SEH1L: variants seen among roughly 807,000 people sequenced by gnomAD.
SEH1L encodes nucleoporin SEH1.
Under a neutral mutation model 49.5 loss-of-function variants are expected in SEH1L, and 18 were observed. The ratio of observed to expected loss-of-function variants is 0.36; its 90% confidence interval spans 0.25 to 0.54. The LOEUF is 0.54. Ranked by LOEUF, SEH1L falls within the 20% of genes least tolerant of loss-of-function variation. The probability of loss-of-function intolerance (pLI) is 0.87; values close to 1 mark genes in which losing one functional copy is unlikely to be tolerated. For synonymous variants in SEH1L, 169 were observed against 178.1 expected (o/e 0.95, Z 0.41); for missense variants, 404 against 528.8 (o/e 0.76, Z 2.31).
At chr18:12,983,708 T>A (rs2032360687) in intron 7 of SEH1L, among the ~76,000 whole-genome samples, 1 of 152,258 alleles carries the variant, frequency 6.6e-6, no homozygotes, top group African/African-American at 2.4e-5. Flanking sequence ...TGAAATTCAT[T>A]ATAATGAAGA....
At chr18:12,948,514 G>A in intron 1 of SEH1L, 1 of 270,664 alleles carries the variant, frequency 3.7e-6, no homozygotes, top group African/African-American at 2.2e-5. Context: ...CGCTGCCGGG[G>A]CTGCGGGCGG....
intron 2 of SEH1L, 79 bp downstream of exon 2, chr18:12,951,984 A>G (rs991551385): frequency 1.2e-6 from 1 of 814,666 alleles, no homozygotes; most frequent in Non-Finnish European, 1.9e-6. Context: ...AATTGTTTTG[A>G]GAAAATAACA....
At chr18:12,967,775 G>A (rs1192237266) in intron 4 of SEH1L, among the ~76,000 whole-genome samples, 2 of 152,118 alleles carry the variant, frequency 1.3e-5, no homozygotes, top group African/African-American at 4.8e-5. Context: ...TTAGATGGGC[G>A]TGGTGGTGTG....
chr18:12,979,960 G>A (rs1598976432), intron 6 of SEH1L, among the ~76,000 whole-genome samples: 15 of 115,854 alleles, frequency 1.3e-4, no homozygotes, highest in Middle Eastern at 6.9e-3. Flanking sequence ...GGGCAGAGGT[G>A]CCCCTCACCT....
At chr18:12,969,224 C>T (rs867390603) in intron 4 of SEH1L, among the ~76,000 whole-genome samples, 1 of 98,550 alleles carries the variant, frequency 1.0e-5, no homozygotes, top group Non-Finnish European at 2.2e-5. Flanking sequence ...CCCCCCCCCC[C>T]CCCCACCTCA....
chr18:12,975,767 A>G, intron 5 of SEH1L: 1 of 987,372 alleles, frequency 1.0e-6, no homozygotes, highest in Non-Finnish European at 1.2e-6. Flanking sequence ...GACTGGGAGC[A>G]GGAACTCAGG....
intron 6 of SEH1L, among the ~76,000 whole-genome samples, chr18:12,980,043 C>G (rs1290284107): frequency 7.4e-6 from 1 of 136,042 alleles, no homozygotes; most frequent in South Asian, 2.4e-4. Context: ...CTGACCCCCC[C>G]ACCTCCCTCC....
At position 12,982,597 on chromosome 18, in the gene SEH1L, G is replaced by T. The variant is rs1284863279; in HGVS notation, c.841G>T (p.Val281Phe). Residue 281 changes from valine (V) to phenylalanine (F), a missense_variant, in exon 7 of 9, where the codon GTC (valine) becomes TTC (phenylalanine). Physicochemically the swap from Val to Phe is conservative, Grantham distance 50. Coordinates refer to ENST00000399892, the MANE Select transcript of SEH1L (RefSeq NM_001013437.2). ...TCAGTTCGATAATCATAATTCTCAGGTCTGGCGAGTGAGTTGGAATATAAC... is the reference window on the plus strand; with the variant it reads ...TCAGTTCGATAATCATAATTCTCAGTTCTGGCGAGTGAGTTGGAATATAAC... Reference protein sequence around the residue: ...VAQFDNHNSQVWRVSWNITGT... With the variant: ...VAQFDNHNSQFWRVSWNITGT... 6.2e-7 allele frequency: 1 copy of T among 1,613,802 alleles called. No homozygotes were observed. The highest frequency in any genetic ancestry group is 8.5e-7 in the Non-Finnish European group (1 of 1,179,836).
At chr18:12,948,401 T>C (rs1448442157) in intron 1 of SEH1L, 169 bp downstream of exon 1, 17 of 523,586 alleles carry the variant, frequency 3.2e-5, no homozygotes, top group Non-Finnish European at 5.3e-5. Flanking sequence ...CCGCGTATTG[T>C]GGGGTCACGG....
At position 12,970,247 on chromosome 18, in the gene SEH1L, A is replaced by G. The variant is rs140945309; in HGVS notation, c.522-906A>G. On this transcript the variant is annotated intron_variant, in intron 4 of 8. Coordinates refer to ENST00000399892, the MANE Select transcript of SEH1L (RefSeq NM_001013437.2). Reference sequence around the variant, plus strand: ...GAAATTATGTTAATTAGGCATAGAAATTAAAAAGTCATTCAGCTTATAGTT... The same window carrying G: ...GAAATTATGTTAATTAGGCATAGAAGTTAAAAAGTCATTCAGCTTATAGTT... Among the ~76,000 whole-genome samples the G allele has an allele frequency of 2.4e-4, 37 of 152,334 alleles. No individual in the cohort carries two copies. In the East Asian group the frequency reaches 6.9e-3, roughly 29 times the overall value.
At chr18:12,963,782 G>C (rs900431614) in intron 4 of SEH1L, among the ~76,000 whole-genome samples, 29 of 152,182 alleles carry the variant, frequency 1.9e-4, no homozygotes, top group African/African-American at 7.0e-4. Flanking sequence ...GCACCATCTT[G>C]GCTCACAGTA....
intron 4 of SEH1L, among the ~76,000 whole-genome samples, chr18:12,969,024 A>G (rs1274959948): frequency 6.6e-6 from 1 of 152,116 alleles, no homozygotes; most frequent in Non-Finnish European, 1.5e-5. Flanking sequence ...CAGTCTGACC[A>G]ACATGGAGAA....
chr18:12,985,117 C>T (rs1213901061), intron 8 of SEH1L: 1 of 1,022,152 alleles, frequency 9.8e-7, no homozygotes, highest in Non-Finnish European at 1.4e-6. Context: ...ACTGCCTGTA[C>T]TGCATATTTT....
At chr18:12,984,672 T>A (rs2032397363) in intron 8 of SEH1L, 1 of 154,150 alleles carries the variant, frequency 6.5e-6, no homozygotes, top group African/African-American at 2.4e-5. Flanking sequence ...GAGGAAATAA[T>A]AAAACACGAG....
intron 7 of SEH1L, chr18:12,983,314 T>C (rs1282868578): frequency 6.6e-6 from 1 of 152,282 alleles, no homozygotes; most frequent in African/African-American, 2.4e-5. Context: ...ATTTGCCATT[T>C]AGCAGTTATT....
intron 4 of SEH1L, among the ~76,000 whole-genome samples, chr18:12,967,621 A>T (rs770235667): frequency 2.0e-5 from 3 of 152,178 alleles, no homozygotes; most frequent in Non-Finnish European, 2.9e-5. Context: ...ATGAATGACC[A>T]TGAAAGCCTG....
intron 1 of SEH1L, among the ~76,000 whole-genome samples, chr18:12,948,965 C>G (rs902181710): frequency 3.3e-5 from 5 of 151,444 alleles, no homozygotes; most frequent in African/African-American, 9.7e-5. Flanking sequence ...TTATCCTGCC[C>G]CAGCCTCCCA....
intron 6 of SEH1L, among the ~76,000 whole-genome samples, chr18:12,980,360 A>C (rs868080105): frequency 3.0e-4 from 21 of 69,818 alleles, no homozygotes; most frequent in Admixed American, 5.8e-4. Context: ...GGCGGCTGGC[A>C]GGGCGGGGGG....
chr18:12,981,595 C>T (rs1009165196), intron 6 of SEH1L, among the ~76,000 whole-genome samples: 2 of 152,094 alleles, frequency 1.3e-5, no homozygotes, highest in African/African-American at 4.8e-5. Flanking sequence ...AAATATATGT[C>T]TTTTTGGAAA....
Sources: gnomAD v4.1 joint callset for allele counts (sites outside exome capture counted in the v4.1 genomes callset) on GRCh38, gnomAD v4.1.1 for gene constraint, MANE v1.5 for transcripts, NCBI Gene and HGNC (gene_info 2026-07-23, HGNC 2026-07-21) for gene names.